ABCG1: variants seen among roughly 807,000 people sequenced by gnomAD.
ABCG1 encodes ATP binding cassette subfamily G member 1.
ABCG1 carries 29 observed loss-of-function variants against 69.2 expected under a neutral mutation model. That is an observed-to-expected ratio of 0.42 (90% CI 0.31 to 0.57). ABCG1 has a LOEUF of 0.57. Among genes scored for constraint, ABCG1 ranks in the 20% least tolerant of loss-of-function variants. The probability of loss-of-function intolerance (pLI) is 0.15; values close to 1 mark genes in which losing one functional copy is unlikely to be tolerated. For synonymous variants in ABCG1, 370 were observed against 374.8 expected (o/e 0.99, Z 0.15); for missense variants, 718 against 898.1 (o/e 0.80, Z 2.56).
At chr21:42,249,275 G>T (rs944127968) in intron 2 of ABCG1, among the ~76,000 whole-genome samples, 1 of 152,116 alleles carries the variant, frequency 6.6e-6, no homozygotes, top group Non-Finnish European at 1.5e-5. Flanking sequence ...GCTGGCTCGT[G>T]GGCACATTTA....
chr21:42,243,273 T>A (rs931283577), intron 2 of ABCG1, among the ~76,000 whole-genome samples: 1 of 151,774 alleles, frequency 6.6e-6, no homozygotes, highest in Non-Finnish European at 1.5e-5. Flanking sequence ...GGGAGGAGAG[T>A]TAAAGCTCAT....
intron 2 of ABCG1, among the ~76,000 whole-genome samples, chr21:42,243,512 G>C (rs1287898859): frequency 6.6e-6 from 1 of 151,436 alleles, no homozygotes; most frequent in Admixed American, 6.6e-5. Context: ...AATATCACCT[G>C]GGCGGGATAA....
intron 2 of ABCG1, among the ~76,000 whole-genome samples, chr21:42,229,507 C>T (rs1029004687): frequency 6.6e-6 from 1 of 151,982 alleles, no homozygotes; most frequent in Non-Finnish European, 1.5e-5. Flanking sequence ...ATCACGAGGT[C>T]AGGAGTTCGA....
At chr21:42,244,420 A>G (rs1037958428) in intron 2 of ABCG1, among the ~76,000 whole-genome samples, 2 of 152,234 alleles carry the variant, frequency 1.3e-5, no homozygotes, top group African/African-American at 4.8e-5. Context: ...GCCAGCTCTC[A>G]GGACCAGATT....
chr21:42,225,560 G>A lies in ABCG1; in HGVS notation c.43-111G>A. 3 of 1,366,716 alleles carry A rather than the reference G, an allele frequency of 2.2e-6. No individual in the cohort carries two copies. In the South Asian group the frequency reaches 4.0e-5, roughly 18 times the overall value. 84.7% of individuals were successfully genotyped at this position (1,366,716 alleles called of 1,614,324 possible). On this transcript the variant is annotated intron_variant, in intron 1 of 14. Coordinates refer to ENST00000398449, the MANE Select transcript of ABCG1 (RefSeq NM_016818.3). ...GGCCAAAGGTGCTCCTGCAGTGGAA[G>A]AAGTGTTGCTATTAATAACCAATGA... is the stretch of plus-strand genomic sequence containing the variant.
At chr21:42,294,892 G>T in intron 14 of ABCG1, 1 of 519,840 alleles carries the variant, frequency 1.9e-6, no homozygotes, top group Non-Finnish European at 3.5e-6. Context: ...CACCCGGAGA[G>T]CCATGGCAGG....
At chr21:42,260,083 C>T (rs1190940016) in intron 2 of ABCG1, 1 of 1,550,562 alleles carries the variant, frequency 6.4e-7, no homozygotes, top group Non-Finnish European at 8.7e-7. Flanking sequence ...TTGTCAGCAG[C>T]TCATGGGGCA....
chr21:42,271,431 G>T (rs1463595428), intron 3 of ABCG1, among the ~76,000 whole-genome samples: 1 of 152,236 alleles, frequency 6.6e-6, no homozygotes, highest in African/African-American at 2.4e-5. Flanking sequence ...AGCTCAGCCT[G>T]GCTAAAGGGA....
Position 42,219,332 on chromosome 21 carries a change from G to A in ABCG1, c.42+28G>A. On this transcript the variant is annotated intron_variant, in intron 1 of 14. Coordinates refer to ENST00000398449, the MANE Select transcript of ABCG1 (RefSeq NM_016818.3). This position sits in a 1 kb window ranked among gnomAD's most constrained non-coding sequence, Gnocchi z 5.3. ...GAGTGAGCGCATCCTTCGTCCGCCG[G>A]GAACGGTTTTATTTTCAAGGAGAGC... The A allele has an allele frequency of 6.3e-7, 1 of 1,595,224 alleles. No homozygotes were observed. Among genetic ancestry groups the A allele is most frequent in the Non-Finnish European group, 8.5e-7 (1 of 1,174,156 alleles).
At chr21:42,265,517 G>C (rs2068487336) in intron 2 of ABCG1, among the ~76,000 whole-genome samples, 1 of 152,200 alleles carries the variant, frequency 6.6e-6, no homozygotes, top group Non-Finnish European at 1.5e-5. Context: ...AGATCAAAGG[G>C]AGGCAGCCAC....
chr21:42,240,592 A>G lies in ABCG1; in HGVS notation c.286+14678A>G, dbSNP rs2068037204. On this transcript the variant is annotated intron_variant, in intron 2 of 14. Coordinates refer to ENST00000398449, the MANE Select transcript of ABCG1 (RefSeq NM_016818.3). ...CAGCCTCCCACGTAGCTGGGATTAC[A>G]GGCGCCCATCACACCCGGCTAATTT... Among the ~76,000 whole-genome samples the G allele has an allele frequency of 2.6e-5, 4 of 152,214 alleles. No individual in the cohort carries two copies. In the South Asian group the frequency reaches 8.3e-4, roughly 31 times the overall value.
At chr21:42,256,272 C>T (rs1471670069) in intron 2 of ABCG1, 13 of 1,505,634 alleles carry the variant, frequency 8.6e-6, no homozygotes, top group Non-Finnish European at 8.0e-6. Flanking sequence ...CCTGCCTGCC[C>T]TCCCGCCAGG....
At chr21:42,282,123 TG>T in intron 5 of ABCG1, 150 bp from the exon 6 acceptor site, 1 of 1,019,774 alleles carries the variant, frequency 9.8e-7, no homozygotes, top group Non-Finnish European at 1.4e-6. Flanking sequence ...CTGGGCAGCC[TG>T]GAGTGGGTTC....
At chr21:42,266,030 G>C (rs556410856) in intron 2 of ABCG1, among the ~76,000 whole-genome samples, 1 of 152,270 alleles carries the variant, frequency 6.6e-6, no homozygotes, top group South Asian at 2.1e-4. Flanking sequence ...AGCTGGGTGT[G>C]GTGGCTCACA....
chr21:42,271,375 C>T (rs575813000), intron 3 of ABCG1, among the ~76,000 whole-genome samples, 188 bp downstream of exon 3: 53 of 152,302 alleles, frequency 3.5e-4, no homozygotes, highest in African/African-American at 1.3e-3. Flanking sequence ...GAGCCACACT[C>T]AGAGAGGGGT....
At chr21:42,272,645 G>T (rs2068636848) in intron 3 of ABCG1, among the ~76,000 whole-genome samples, 1 of 152,256 alleles carries the variant, frequency 6.6e-6, no homozygotes, top group Non-Finnish European at 1.5e-5. Context: ...TCCCAGAACG[G>T]CAGGCAGCAG....
chr21:42,256,378 C>T (rs936048508), intron 2 of ABCG1: 10 of 1,550,264 alleles, frequency 6.5e-6, no homozygotes, highest in African/African-American at 2.7e-5. Flanking sequence ...CTGTCTGTAC[C>T]GCCATTCTCT....
At chr21:42,249,869 G>A (rs1418035165) in intron 2 of ABCG1, among the ~76,000 whole-genome samples, 1 of 152,066 alleles carries the variant, frequency 6.6e-6, no homozygotes, top group South Asian at 2.1e-4. Flanking sequence ...GCCAGGCATG[G>A]TGGTGCACGC....
chr21:42,254,027 A>G (rs2068263887), intron 2 of ABCG1, among the ~76,000 whole-genome samples: 1 of 152,170 alleles, frequency 6.6e-6, no homozygotes, highest in African/African-American at 2.4e-5. Context: ...GCTTAGAGTT[A>G]GGCGCAGGGA....
Sources: allele counts gnomAD v4.1 joint callset (sites outside exome capture counted in the v4.1 genomes callset), GRCh38; gene constraint gnomAD v4.1.1; non-coding constraint Gnocchi (gnomAD v3.1); transcripts MANE v1.5; gene names NCBI Gene and HGNC (gene_info 2026-07-23, HGNC 2026-07-21).